The following MUC5B variants were observed in gnomAD, a reference collection of about 807,000 sequenced individuals.
MUC5B encodes mucin 5B, oligomeric mucus/gel-forming, also known as mucin-5B.
Under a neutral mutation model 376.9 loss-of-function variants are expected in MUC5B, and 116 were observed. That is an observed-to-expected ratio of 0.31 (90% CI 0.26 to 0.36). MUC5B has a LOEUF of 0.36. Among genes scored for constraint, MUC5B ranks in the 10% least tolerant of loss-of-function variants. The probability of loss-of-function intolerance (pLI) is 1.00; values close to 1 mark genes in which losing one functional copy is unlikely to be tolerated. For missense variants in MUC5B, 7,165 were observed against 7,769.9 expected (o/e 0.92, Z 2.93); for synonymous variants, 3,517 against 3,390.9 (o/e 1.04, Z -1.29).
chr11:1,260,521 G>A (rs977880415), intron 47 of MUC5B, 105 bp from the exon 48 acceptor site: 20 of 1,458,796 alleles, frequency 1.4e-5, no homozygotes, highest in Admixed American at 1.3e-4. Flanking sequence ...CTCGGTCCTG[G>A]AGGGCCATGG....
rs1861882263 is a variant in MUC5B, at chr11:1,226,369, G to A, written c.199+93G>A. Reference sequence around the variant, plus strand: ...TCTAGGGGTGCAGCTGCCACCAGGTGGGGCCGTTGGGCCAGACCCAGAGTC... The same window carrying A: ...TCTAGGGGTGCAGCTGCCACCAGGTAGGGCCGTTGGGCCAGACCCAGAGTC... On this transcript the variant is annotated intron_variant, in intron 3 of 48. Coordinates refer to ENST00000529681, the MANE Select transcript of MUC5B (RefSeq NM_002458.3). 3 of 1,456,470 alleles carry A rather than the reference G, an allele frequency of 2.1e-6. No individual in the cohort carries two copies. In the African/African-American group the frequency reaches 4.2e-5, roughly 20 times the overall value. The allele number at this position is 1,456,470 out of a possible 1,614,324, so 90.2% of individuals were successfully genotyped here. A position where few individuals can be genotyped will look rare whatever the true frequency, so the allele number is the denominator to read the frequency against.
chr11:1,239,062 G>A (rs1275506215), intron 26 of MUC5B, 35 bp downstream of exon 26: 1 of 1,560,464 alleles, frequency 6.4e-7, no homozygotes, highest in Admixed American at 1.9e-5. Context: ...CTGAAGGGTG[G>A]AGCTGCTGGG....
rs1408483050 is a variant in MUC5B at position 1,240,248 on chromosome 11, T to G, written c.3843T>G (p.Leu1281=). Residue 1281 remains leucine (L), a synonymous_variant, in exon 30 of 49, where the codon CTT becomes CTG. Transcript: ENST00000529681. ...TCATCTACAACACCACCGATGGGCT[T>G]GGCGCCTGCTTGATCGCCATCTGCG... is the stretch of plus-strand genomic sequence containing the variant. ...QDVIYNTTDG[L]GACLIAICGS... is the part of the protein sequence containing the mutation. The G allele has an allele frequency of 1.2e-6, 2 of 1,613,552 alleles. No individual in the cohort carries two copies. The highest frequency in any genetic ancestry group is 1.1e-5 in the South Asian group (1 of 91,082).
intron 8 of MUC5B, 143 bp from the exon 9 acceptor site, chr11:1,229,027 A>G (rs2133807921): frequency 1.0e-6 from 1 of 1,000,638 alleles, no homozygotes; most frequent in Non-Finnish European, 1.4e-6. Context: ...GCCCACGATG[A>G]GGGGCGTCAG....
At chr11:1,233,726 GA>G in intron 18 of MUC5B, 66 bp from the exon 19 acceptor site, 2 of 1,512,020 alleles carry the variant, frequency 1.3e-6, no homozygotes, top group Non-Finnish European at 1.8e-6. Context: ...CGGGGGCTCG[GA>G]AGCCCGGGGG....
intron 44 of MUC5B, 142 bp downstream of exon 44, chr11:1,259,203 TGAGGCACTTGCCCCCAAGTGAGACCC>T (rs1564954430): frequency 2.1e-5 from 15 of 707,204 alleles, no homozygotes; most frequent in African/African-American, 9.0e-5. Flanking sequence ...GGTGAGTCCC[TGAGGCACTTGCCCCCAAGTGAGACCC>T]GAGGCACCTG....
In MUC5B at chr11:1,255,236, C is replaced by T; in HGVS notation, c.15860C>T (p.Pro5287Leu). 1 of 1,532,992 alleles carries T rather than the reference C, an allele frequency of 6.5e-7. No homozygotes were observed. Among genetic ancestry groups the T allele is most frequent in the Non-Finnish European group, 8.8e-7 (1 of 1,135,448 alleles). The allele number at this position is 1,532,992 out of a possible 1,614,324, so 95.0% of individuals were successfully genotyped here. Residue 5287 changes from proline (P) to leucine (L), a missense_variant, in exon 36 of 49, where the codon CCA (proline) becomes CTA (leucine). Coordinates refer to ENST00000529681, the MANE Select transcript of MUC5B (RefSeq NM_002458.3). ...ACACCCACCCCCACCCCATGCCCAC[C>T]ACAGCCGCTCTGTGATCTGATGCTG... Reference protein sequence around the residue: ...SSTPTPTPCPPQPLCDLMLSQ... With the variant: ...SSTPTPTPCPLQPLCDLMLSQ...
Position 1,244,520 on chromosome 11 carries a change from C to T in MUC5B, c.7640C>T (p.Thr2547Ile). 9 of 1,544,372 alleles carry T rather than the reference C, an allele frequency of 5.8e-6. No individual in the cohort carries two copies. Among genetic ancestry groups the T allele is most frequent in the Non-Finnish European group, 8.0e-6 (9 of 1,125,116 alleles). ...FTAIPSSSLG[T>I]TWTRLSQTTT... is the part of the protein sequence containing the mutation. ...GCCATCCCCTCCTCCTCCCTGGGCA[C>T]CACCTGGACCCGCCTATCACAGACC... The change falls in exon 31 of 49, where the codon ACC becomes ATC. Residue 2547 changes from threonine (T) to isoleucine (I), a missense_variant. This residue lies in a region of MUC5B where 194 missense variants were observed against 268.5 expected (regional missense o/e 0.72). Coordinates refer to ENST00000529681, the MANE Select transcript of MUC5B (RefSeq NM_002458.3).
In MUC5B at chr11:1,230,868, C is replaced by T. The variant is rs1055398009; in HGVS notation, c.1471-68C>T. ...CCAGTGGGGGCCCCTGGGCAGGCCACCCCCTCATTTGAGAGTCGGGAATGG... is the reference window on the plus strand; with the variant it reads ...CCAGTGGGGGCCCCTGGGCAGGCCATCCCCTCATTTGAGAGTCGGGAATGG... On this transcript the variant is annotated intron_variant, in intron 12 of 48. Coordinates refer to ENST00000529681, the MANE Select transcript of MUC5B (RefSeq NM_002458.3). 6.1e-5 allele frequency: 94 copies of T among 1,531,894 alleles called. 1 individual carries two copies. The highest frequency in any genetic ancestry group is 8.1e-5 in the Non-Finnish European group (92 of 1,130,604). 94.9% of individuals were successfully genotyped at this position (1,531,894 alleles called of 1,614,324 possible). A position where few individuals can be genotyped will look rare whatever the true frequency, so the allele number is the denominator to read the frequency against.
chr11:1,230,588 C>A lies in MUC5B; in HGVS notation c.1458C>A (p.Asp486Glu). 1 of 1,608,632 alleles carries A rather than the reference C, an allele frequency of 6.2e-7. No homozygotes were observed. The highest frequency in any genetic ancestry group is 8.5e-7 in the Non-Finnish European group (1 of 1,177,724). The change falls in exon 12 of 49, where the codon GAC becomes GAA. Residue 486 changes from aspartate (D) to glutamate (E), a missense_variant. Physicochemically the swap from Asp to Glu is conservative, Grantham distance 45 (BLOSUM62 2). Around this residue, in one of 31 missense-constraint regions of MUC5B, gnomAD observed 640 missense variants for 733.0 expected, o/e 0.87. Coordinates refer to ENST00000529681, the MANE Select transcript of MUC5B (RefSeq NM_002458.3). ...NCLKAVTLSL[D>E]GGDTAIRVQA... ...TGAAAGCGGTGACGCTCAGCCTGGA[C>A]GGCGGGGACACGGTGAGGACCTGGC...
rs759673468 is a variant in MUC5B, at chr11:1,236,368, CG to C, written c.2881-17del. 6.3e-7 allele frequency: 1 copy of C among 1,592,106 alleles called. No homozygotes were observed. The highest frequency in any genetic ancestry group is 1.3e-5 in the African/African-American group (1 of 74,638). On this transcript the variant is annotated splice_polypyrimidine_tract_variant and intron_variant, in intron 23 of 48. Transcript: ENST00000529681. ...GGGCCACAGGGTCGGCTTCCGGCAG[CG>C]TCTGCCTCCCCTGCAGAGCTACGAG... is the stretch of plus-strand genomic sequence containing the variant.
In MUC5B at chr11:1,257,518, G is replaced by A. The variant is rs1473252194; in HGVS notation, c.16270-12G>A. On this transcript the variant is annotated splice_polypyrimidine_tract_variant and intron_variant, in intron 40 of 48. Coordinates refer to ENST00000529681, the MANE Select transcript of MUC5B (RefSeq NM_002458.3). The surrounding 1 kb of genome is among the most constrained non-coding windows in gnomAD (Gnocchi z 8.9). The stretch of plus-strand genomic sequence containing the variant: ...TCCAGGAGCCCTCAGGGACCCCCTT[G>A]ATCCATTCCAGCCCGGGGAGCGGTG... The A allele has an allele frequency of 6.2e-7, 1 of 1,607,498 alleles. No homozygotes were observed. Among genetic ancestry groups the A allele is most frequent in the South Asian group, 1.1e-5 (1 of 90,930 alleles).
chr11:1,232,205 C>T (rs753627872), intron 15 of MUC5B, 45 bp downstream of exon 15: 2 of 1,532,682 alleles, frequency 1.3e-6, no homozygotes, highest in Non-Finnish European at 1.8e-6. Flanking sequence ...GCTCAAGTCC[C>T]ACCCAGCACC....
intron 48 of MUC5B, among the ~76,000 whole-genome samples, chr11:1,261,036 T>C (rs1278224099): frequency 1.3e-5 from 2 of 152,222 alleles, no homozygotes; most frequent in African/African-American, 4.8e-5. Flanking sequence ...AAGCCCCCCA[T>C]GGCTTGCCAC....
At position 1,257,313 on chromosome 11, in the gene MUC5B, C is replaced by T. The variant is rs372970052; in HGVS notation, c.16269+42C>T. The stretch of plus-strand genomic sequence containing the variant: ...CCACCTGCCCTACCCCACCCTCTCG[C>T]GAGCTGAGGGAGGGAGGGAAGGAGC... On this transcript the variant is annotated intron_variant, in intron 40 of 48. Coordinates refer to ENST00000529681, the MANE Select transcript of MUC5B (RefSeq NM_002458.3). This position sits in a 1 kb window ranked among gnomAD's most constrained non-coding sequence, Gnocchi z 8.9. 17 of 790,400 alleles carry T rather than the reference C, an allele frequency of 2.2e-5. No homozygotes were observed. Among genetic ancestry groups the T allele is most frequent in the Middle Eastern group, 2.2e-4 (1 of 4,482 alleles). The allele number at this position is 790,400 out of a possible 1,614,324, so 49.0% of individuals were successfully genotyped here. A position where few individuals can be genotyped will look rare whatever the true frequency, so the allele number is the denominator to read the frequency against.
At chr11:1,230,787 G>C in intron 12 of MUC5B, 149 bp from the exon 13 acceptor site, 1 of 1,014,532 alleles carries the variant, frequency 9.9e-7, no homozygotes, top group Non-Finnish European at 1.5e-6. Context: ...CTCCCGGGGG[G>C]GCAATTGCAG....
In MUC5B at chr11:1,258,424, GC is replaced by G; in HGVS notation, c.16593+61del. The G allele has an allele frequency of 2.5e-6, 4 of 1,587,576 alleles. No individual in the cohort carries two copies. The highest frequency in any genetic ancestry group is 1.1e-5 in the South Asian group (1 of 88,304). ...TGGGGCCTGAACATGTGTGTGGGAT[GC>G]CCCGGGGCTCTCTGAGCCCCACTCC... On this transcript the variant is annotated intron_variant, in intron 43 of 48. Transcript: ENST00000529681. The surrounding 1 kb of genome is among the most constrained non-coding windows in gnomAD (Gnocchi z 5.5).
At position 1,243,176 on chromosome 11, in the gene MUC5B, C is replaced by G; in HGVS notation, c.6296C>G (p.Thr2099Ser). The G allele has an allele frequency of 6.2e-7, 1 of 1,604,818 alleles. No individual in the cohort carries two copies. Among genetic ancestry groups the G allele is most frequent in the Non-Finnish European group, 8.5e-7 (1 of 1,175,760 alleles). ...ACCCCCTCCTCCATCCCGGGGACCA[C>G]CCACACCGCCACAGTGCTGACCACC... ...TVTPSSIPGT[T>S]HTATVLTTTT... Residue 2099 changes from threonine (T) to serine (S), a missense_variant, in exon 31 of 49, where the codon ACC becomes AGC. This residue lies in a region of MUC5B where 897 missense variants were observed against 779.6 expected (regional missense o/e 1.15). Coordinates refer to ENST00000529681, the MANE Select transcript of MUC5B (RefSeq NM_002458.3).
In MUC5B at chr11:1,242,284, G is replaced by A; in HGVS notation, c.5404G>A (p.Gly1802Arg). The A allele has an allele frequency of 6.2e-7, 1 of 1,613,928 alleles. No individual in the cohort carries two copies. The highest frequency in any genetic ancestry group is 1.1e-5 in the South Asian group (1 of 91,088). The part of the protein sequence containing the change: ...EWFDVDFPTS[G>R]VAGGDMETFE... ...GTTTGACGTGGACTTCCCAACCTCA[G>A]GGGTTGCAGGCGGGGACATGGAAAC... Residue 1802 changes from glycine to arginine, a missense_variant, in exon 31 of 49, where the codon GGG becomes AGG. Physicochemically the swap from Gly to Arg is moderately radical, Grantham distance 125. Transcript: ENST00000529681.
Sources: gnomAD v4.1 joint callset for allele counts (sites outside exome capture counted in the v4.1 genomes callset) on GRCh38, gnomAD v4.1.1 for gene constraint, gnomAD v4.1.1 regional missense constraint, Gnocchi (gnomAD v3.1) non-coding constraint, MANE v1.5 for transcripts, NCBI Gene and HGNC (gene_info 2026-07-23, HGNC 2026-07-21) for gene names.